The following NAA40 variants were observed in gnomAD, a reference collection of about 807,000 sequenced individuals.
NAA40 encodes the protein N-alpha-acetyltransferase 40.
In NAA40, 26 loss-of-function variants were observed where a neutral mutation model predicts 36.6. That is an observed-to-expected ratio of 0.71 (90% CI 0.52 to 0.98). The LOEUF is 0.98. NAA40 is among the 50% of genes least tolerant of loss of function. The pLI, the probability that NAA40 is intolerant of heterozygous loss-of-function variation, is 0.00. For missense variants in NAA40, 237 were observed against 306.5 expected, an observed-to-expected ratio of 0.77 and a Z score of 1.69; for synonymous variants, 129 against 108.4, an observed-to-expected ratio of 1.19 and a Z score of -1.18.
chr11:63,944,031 G>A (rs1310928041), intron 1 of NAA40, among the ~76,000 whole-genome samples: 1 of 152,144 alleles, frequency 6.6e-6, no homozygotes, highest in South Asian at 2.1e-4. Flanking sequence ...GTGTTCCACA[G>A]CGCTCAGCCA....
chr11:63,952,991 C>G (rs759455775), intron 6 of NAA40, 152 bp downstream of exon 6: 82 of 598,214 alleles, frequency 1.4e-4, no homozygotes, highest in Admixed American at 7.7e-4. Context: ...GTAAGATGCT[C>G]CCTGCCTTAT....
chr11:63,939,413 C>G (rs1942070302), intron 1 of NAA40: 1 of 1,165,202 alleles, frequency 8.6e-7, no homozygotes, highest in African/African-American at 1.6e-5. Flanking sequence ...CTGGGGTTAG[C>G]TTCCCGCTCC....
chr11:63,952,273 G>T lies in NAA40; in HGVS notation c.191G>T (p.Gly64Val), dbSNP rs373094589. 1 of 1,613,506 alleles carries T rather than the reference G, an allele frequency of 6.2e-7. No homozygotes were observed. Among genetic ancestry groups the T allele is most frequent in the Non-Finnish European group, 8.5e-7 (1 of 1,179,782 alleles). The change falls in exon 4 of 8, where the codon GGA (glycine) becomes GTA (valine). Residue 64 changes from glycine to valine, a missense_variant. By Grantham distance (109) the Gly-to-Val change is moderately radical. Transcript: ENST00000377793. ...TCCATTGAATGTAAGCGAGTGTCTGGACTGGAGCCAGCCACCGTGGATTGG... is the reference window on the plus strand; with the variant it reads ...TCCATTGAATGTAAGCGAGTGTCTGTACTGGAGCCAGCCACCGTGGATTGG... ...NVSIECKRVS[G>V]LEPATVDWAF...
intron 6 of NAA40, among the ~76,000 whole-genome samples, chr11:63,953,687 G>A (rs1469254054): frequency 6.6e-6 from 1 of 152,010 alleles, no homozygotes; most frequent in Non-Finnish European, 1.5e-5. Context: ...TGGTGTGATC[G>A]TATCTCACTG....
At chr11:63,944,902 C>CAA (rs113133922) in intron 1 of NAA40, among the ~76,000 whole-genome samples, 8,309 of 125,760 alleles carry the variant, frequency 0.066, 900 homozygotes, top group African/African-American at 0.23. Flanking sequence ...GACTCCATCT[C>CAA]AAAAAAAAAA....
intron 7 of NAA40, 82 bp downstream of exon 7, chr11:63,954,131 C>G: frequency 6.8e-7 from 1 of 1,469,460 alleles, no homozygotes; most frequent in Admixed American, 1.8e-5. Flanking sequence ...CTCACTCATT[C>G]TGATGCCTGA....
chr11:63,948,064 A>G (rs1942217461), intron 3 of NAA40, among the ~76,000 whole-genome samples: 1 of 152,010 alleles, frequency 6.6e-6, no homozygotes, highest in Admixed American at 6.6e-5. Flanking sequence ...CATGTTGGCC[A>G]GGCTGGTCTC....
chr11:63,950,188 G>A (rs1482274527), intron 3 of NAA40, among the ~76,000 whole-genome samples: 5 of 149,084 alleles, frequency 3.4e-5, no homozygotes, highest in Non-Finnish European at 5.9e-5. Flanking sequence ...GCACGATCTC[G>A]GCTCACTGCA....
Position 63,945,906 on chromosome 11 carries a change from G to T in NAA40, c.73G>T (p.Val25Phe). 2 of 1,614,164 alleles carry T rather than the reference G, an allele frequency of 1.2e-6. No homozygotes were observed. The highest frequency in any genetic ancestry group is 1.7e-6 in the Non-Finnish European group (2 of 1,180,016). The part of the protein sequence containing the change: ...RLEERAAMDA[V>F]CAKVDAANRL... Reference sequence around the variant, plus strand: ...GGAGGAGCGAGCAGCCATGGATGCCGTTTGTGCCAAAGTGGACGCTGCCAA... The same window carrying T: ...GGAGGAGCGAGCAGCCATGGATGCCTTTTGTGCCAAAGTGGACGCTGCCAA... The change falls in exon 2 of 8, where the codon GTT (valine) becomes TTT (phenylalanine). Residue 25 changes from valine to phenylalanine, a missense_variant. Physicochemically the swap from Val to Phe is conservative, Grantham distance 50. Transcript: ENST00000377793.
rs1038727825 is a variant in NAA40 at position 63,944,008 on chromosome 11, T to C, written c.7-1832T>C. ...TTCCTTCCTCTAGGGAGGTAAGATATGAGATCTTGCCTGTGTTCCACAGCG... is the reference window on the plus strand; with the variant it reads ...TTCCTTCCTCTAGGGAGGTAAGATACGAGATCTTGCCTGTGTTCCACAGCG... On this transcript the variant is annotated intron_variant, in intron 1 of 7. Coordinates refer to ENST00000377793, the MANE Select transcript of NAA40 (RefSeq NM_024771.4). Among the ~76,000 whole-genome samples, 2 of 152,174 alleles carry C rather than the reference T, an allele frequency of 1.3e-5. 1 individual carries two copies.
At chr11:63,946,910 C>A (rs567264827) in intron 2 of NAA40, 41 bp from the exon 3 acceptor site, 1 of 1,612,202 alleles carries the variant, frequency 6.2e-7, no homozygotes, top group South Asian at 1.1e-5. Flanking sequence ...GCACCTCCGC[C>A]CCACTTGTCT....
rs2134280151 is a variant in NAA40, at chr11:63,952,820, C to T, written c.475C>T (p.Leu159=). 6.2e-7 allele frequency: 1 copy of T among 1,614,106 alleles called. No homozygotes were observed. Among genetic ancestry groups the T allele is most frequent in the East Asian group, 2.2e-5 (1 of 44,876 alleles). ...KGLGKFLIQI[L]QLMANSTQMK... is the part of the protein sequence containing the mutation. ...CCTGGGGAAGTTCCTCATACAGATCCTGCAGCTCATGGCCAACAGGTAAGG... is the reference window on the plus strand; with the variant it reads ...CCTGGGGAAGTTCCTCATACAGATCTTGCAGCTCATGGCCAACAGGTAAGG... The change falls in exon 6 of 8, where the codon CTG becomes TTG. Residue 159 remains leucine (L), a synonymous_variant. Coordinates refer to ENST00000377793, the MANE Select transcript of NAA40 (RefSeq NM_024771.4).
At chr11:63,939,158 GC>G in intron 1 of NAA40, 56 bp downstream of exon 1, 1 of 1,551,062 alleles carries the variant, frequency 6.4e-7, no homozygotes, top group Non-Finnish European at 8.7e-7. Flanking sequence ...CGCTACCCTC[GC>G]CCCCTTTGTT....
At position 63,952,288 on chromosome 11, in the gene NAA40, C is replaced by T. The variant is rs754334090; in HGVS notation, c.206C>T (p.Thr69Ile). 1 of 1,613,768 alleles carries T rather than the reference C, an allele frequency of 6.2e-7. No individual in the cohort carries two copies. Among genetic ancestry groups the T allele is most frequent in the African/African-American group, 1.3e-5 (1 of 74,912 alleles). ...CKRVSGLEPA[T>I]VDWAFDLTKT... is the part of the protein sequence containing the mutation. ...CGAGTGTCTGGACTGGAGCCAGCCA[C>T]CGTGGATTGGGCCTTCGACCTGACC... Residue 69 changes from threonine to isoleucine, a missense_variant, in exon 4 of 8, where the codon ACC becomes ATC. Thr to Ile is a moderately conservative substitution (Grantham distance 89, BLOSUM62 -1). Transcript: ENST00000377793.
chr11:63,946,822 C>T (rs1261429965), intron 2 of NAA40, 129 bp from the exon 3 acceptor site: 10 of 1,578,570 alleles, frequency 6.3e-6, no homozygotes, highest in African/African-American at 2.7e-5. Flanking sequence ...GGAGGCTGCT[C>T]CTGGTTCTGA....
rs873928 is a variant in NAA40, at chr11:63,939,002, G to A, written c.-95G>A. The A allele has an allele frequency of 1.1e-4, 134 of 1,191,446 alleles. 2 individuals are homozygous for A. In the African/African-American group the frequency reaches 2.1e-3, roughly 19 times the overall value. 73.8% of individuals were successfully genotyped at this position (1,191,446 alleles called of 1,614,324 possible). Reference sequence around the variant, plus strand: ...CGAGGCGCATGCGCGTTGCAGGGCCGTCCGCTCTGCTGCCGCCGCTGTTGC... The same window carrying A: ...CGAGGCGCATGCGCGTTGCAGGGCCATCCGCTCTGCTGCCGCCGCTGTTGC... On this transcript the variant is annotated 5_prime_UTR_variant, in exon 1 of 8. Transcript: ENST00000377793.
intron 1 of NAA40, among the ~76,000 whole-genome samples, chr11:63,942,643 T>C (rs1042715263): frequency 2.0e-5 from 3 of 152,214 alleles, no homozygotes; most frequent in African/African-American, 7.2e-5. Flanking sequence ...TTAGGAGCAT[T>C]TTCCTGTGTC....
intron 3 of NAA40, 119 bp downstream of exon 3, chr11:63,947,122 C>T: frequency 1.8e-6 from 2 of 1,121,704 alleles, no homozygotes; most frequent in Non-Finnish European, 2.7e-6. Flanking sequence ...TACGAAAAAA[C>T]AGGGCTGGGT....
chr11:63,946,929 C>G (rs1465355620), intron 2 of NAA40, 22 bp from the exon 3 acceptor site: 9 of 1,613,806 alleles, frequency 5.6e-6, no homozygotes, highest in Non-Finnish European at 7.6e-6. Context: ...CTGTGCTGTT[C>G]CTCTTTTCTT....
Sources: gnomAD v4.1 joint callset for allele counts (sites outside exome capture counted in the v4.1 genomes callset) on GRCh38, gnomAD v4.1.1 for gene constraint, MANE v1.5 for transcripts, NCBI Gene and HGNC (gene_info 2026-07-23, HGNC 2026-07-21) for gene names.